Variants in EPS8 observed in about 807,000 individuals in gnomAD.
EPS8 encodes the protein epidermal growth factor receptor kinase substrate 8.
In EPS8, 42 loss-of-function variants were observed where a neutral mutation model predicts 103.8. The observed-to-expected ratio is 0.40, with a 90% CI of 0.32 to 0.52. EPS8 has a LOEUF of 0.52. Among genes scored for constraint, EPS8 ranks in the 20% least tolerant of loss-of-function variants. The pLI is 0.40. For missense variants in EPS8, 969 were observed against 1,005.1 expected (o/e 0.96, Z 0.49); for synonymous variants, 344 against 344.6 (o/e 1.00, Z 0.02).
At chr12:15,652,837 G>A (rs1197386981) in intron 13 of EPS8, among the ~76,000 whole-genome samples, 2 of 152,028 alleles carry the variant, frequency 1.3e-5, no homozygotes, top group African/African-American at 2.4e-5. Flanking sequence ...GGAGAAAAAT[G>A]GAGAAAAAAA....
intron 1 of EPS8, among the ~76,000 whole-genome samples, chr12:15,775,450 G>C (rs1565539540): frequency 2.0e-5 from 3 of 152,028 alleles, no homozygotes; most frequent in South Asian, 4.1e-4. Context: ...AATAGCCAAC[G>C]TTCCTTTGTG....
chr12:15,742,177 T>G (rs1006530942), intron 1 of EPS8, among the ~76,000 whole-genome samples: 9 of 152,234 alleles, frequency 5.9e-5, no homozygotes, highest in Non-Finnish European at 1.2e-4. Flanking sequence ...TAAACATATG[T>G]GTGCATGTGT....
At position 15,666,532 on chromosome 12, in the gene EPS8, G is replaced by A; in HGVS notation, c.517-10C>T. 6.2e-7 allele frequency: 1 copy of A among 1,603,588 alleles called. No homozygotes were observed. Among genetic ancestry groups the A allele is most frequent in the Non-Finnish European group, 8.5e-7 (1 of 1,170,680 alleles). On this transcript the variant is annotated splice_polypyrimidine_tract_variant and intron_variant, in intron 6 of 20. Coordinates refer to ENST00000281172, the MANE Select transcript of EPS8 (RefSeq NM_004447.6). ...CACTAATTAGGTTTGCCTGCAAAGA[G>A]ACACAAGTTACCTGAAAGTTTATGG...
At position 15,736,817 on chromosome 12, in the gene EPS8, G is replaced by A. The variant is rs142694701; in HGVS notation, c.-22+52344C>T. 2.6e-5 allele frequency among the ~76,000 whole-genome samples: 4 copies of A among 152,122 alleles called. No individual in the cohort carries two copies. Among genetic ancestry groups the A allele is most frequent in the African/African-American group, 9.6e-5 (4 of 41,518 alleles). On this transcript the variant is annotated intron_variant, in intron 1 of 20. Coordinates refer to ENST00000281172, the MANE Select transcript of EPS8 (RefSeq NM_004447.6). This position sits in a 1 kb window ranked among gnomAD's most constrained non-coding sequence, Gnocchi z 4.2. ...CCAAGCATATGTCAATACCCTCCAT[G>A]GAGACACTATATTACAGCCCCAATA...
intron 1 of EPS8, among the ~76,000 whole-genome samples, chr12:15,722,471 G>A (rs1946607606): frequency 6.6e-6 from 1 of 152,102 alleles, no homozygotes; most frequent in South Asian, 2.1e-4. Context: ...ATTCCAGAAT[G>A]TTGTCTTAAT....
chr12:15,662,034 T>G lies in EPS8; in HGVS notation c.802A>C (p.Arg268=), dbSNP rs757184310. ...TPEMMAARID[R]DVQILNHILD... is the part of the protein sequence containing the mutation. ...GCGACTCCTGTACTTACCACATCTC[T>G]GTCAATGCGGGCTGCCATCATCTCA... The change falls in exon 9 of 21, where the codon AGA becomes CGA. Residue 268 remains arginine (R), a synonymous_variant. Transcript: ENST00000281172. The G allele has an allele frequency of 1.2e-6, 2 of 1,612,794 alleles. No individual in the cohort carries two copies. Among genetic ancestry groups the G allele is most frequent in the Non-Finnish European group, 1.7e-6 (2 of 1,178,884 alleles).
intron 1 of EPS8, chr12:15,712,825 A>C: frequency 1.0e-6 from 1 of 978,704 alleles, no homozygotes; most frequent in Non-Finnish European, 1.2e-6. Context: ...TTAGCAAAGA[A>C]AATATTAACA....
intron 17 of EPS8, among the ~76,000 whole-genome samples, chr12:15,633,974 G>C (rs1945093263): frequency 6.6e-6 from 1 of 152,086 alleles, no homozygotes; most frequent in African/African-American, 2.4e-5. Context: ...CTTTCCTTAT[G>C]TCTGTCTTTT....
At chr12:15,715,768 C>T (rs375389305) in intron 1 of EPS8, among the ~76,000 whole-genome samples, 2 of 151,862 alleles carry the variant, frequency 1.3e-5, no homozygotes, top group African/African-American at 2.4e-5. Flanking sequence ...GGATTACAGG[C>T]GTGAGCCACC....
intron 18 of EPS8, among the ~76,000 whole-genome samples, chr12:15,630,976 GAGA>G (rs1331781132): frequency 3.3e-5 from 5 of 152,174 alleles, no homozygotes; most frequent in Non-Finnish European, 5.9e-5. Flanking sequence ...CAGAAGGATG[GAGA>G]AGAAGACAAA....
At position 15,778,512 on chromosome 12, in the gene EPS8, T is replaced by C. The variant is rs866171836; in HGVS notation, c.-22+10649A>G. Among the ~76,000 whole-genome samples the C allele has an allele frequency of 6.6e-6, 1 of 152,246 alleles. No individual in the cohort carries two copies. Among genetic ancestry groups the C allele is most frequent in the African/African-American group, 2.4e-5 (1 of 41,470 alleles). On this transcript the variant is annotated intron_variant, in intron 1 of 20. Coordinates refer to ENST00000281172, the MANE Select transcript of EPS8 (RefSeq NM_004447.6). This position sits in a 1 kb window ranked among gnomAD's most constrained non-coding sequence, Gnocchi z 4.5. The stretch of plus-strand genomic sequence containing the variant: ...AAAACAAAAACACTGTAGTTTATGG[T>C]ACACAGTACTTTTTTGAAAACAGAC...
rs1409661757 is a variant in EPS8 at position 15,736,542 on chromosome 12, T to C, written c.-22+52619A>G. On this transcript the variant is annotated intron_variant, in intron 1 of 20. Coordinates refer to ENST00000281172, the MANE Select transcript of EPS8 (RefSeq NM_004447.6). The surrounding 1 kb of genome is among the most constrained non-coding windows in gnomAD (Gnocchi z 4.2). ...ACTTCTGCATTTTACTCACAGAAGA[T>C]GCCCTCAAGCTTGGTTAAGATCTTA... Among the ~76,000 whole-genome samples, 3 of 152,318 alleles carry C rather than the reference T, an allele frequency of 2.0e-5. No individual in the cohort carries two copies. The highest frequency in any genetic ancestry group is 1.9e-4 in the East Asian group (1 of 5,184).
At chr12:15,664,784 G>T (rs902024139) in intron 8 of EPS8, among the ~76,000 whole-genome samples, 11 of 152,194 alleles carry the variant, frequency 7.2e-5, no homozygotes, top group African/African-American at 2.7e-4. Flanking sequence ...AGGCTCTAGA[G>T]TTCATCAGAT....
rs1565518573 is a variant in EPS8, at chr12:15,723,751, T to C, written c.-21-40779A>G. On this transcript the variant is annotated intron_variant, in intron 1 of 20. Transcript: ENST00000281172. The stretch of plus-strand genomic sequence containing the variant: ...TGGTAATCCTTACTGTATACCTCCA[T>C]AGATTATTCTAATTATACTTAATCC... Among the ~76,000 whole-genome samples the C allele has an allele frequency of 5.3e-5, 8 of 152,178 alleles. No individual in the cohort carries two copies. The South Asian group carries it at 1.7e-3, about 32-fold the overall frequency.
chr12:15,727,822 C>T lies in EPS8; in HGVS notation c.-21-44850G>A, dbSNP rs1335832919. 2.0e-5 allele frequency among the ~76,000 whole-genome samples: 3 copies of T among 152,152 alleles called. No individual in the cohort carries two copies. The highest frequency in any genetic ancestry group is 4.4e-5 in the Non-Finnish European group (3 of 68,024). ...GCAGTGAGCCAAGGTTGTGCCACTGCACTCCAGCCTGGGCGACAGAGCGAG... is the reference window on the plus strand; with the variant it reads ...GCAGTGAGCCAAGGTTGTGCCACTGTACTCCAGCCTGGGCGACAGAGCGAG... On this transcript the variant is annotated intron_variant, in intron 1 of 20. Coordinates refer to ENST00000281172, the MANE Select transcript of EPS8 (RefSeq NM_004447.6). The surrounding 1 kb of genome is among the most constrained non-coding windows in gnomAD (Gnocchi z 4.3).
At chr12:15,632,514 T>C (rs758799552) in intron 17 of EPS8, among the ~76,000 whole-genome samples, 4 of 152,172 alleles carry the variant, frequency 2.6e-5, no homozygotes, top group Non-Finnish European at 5.9e-5. Context: ...AAAAGGCACA[T>C]TTTCTTTTTA....
intron 1 of EPS8, among the ~76,000 whole-genome samples, chr12:15,768,674 G>A (rs1947123229): frequency 7.0e-6 from 1 of 142,058 alleles, no homozygotes; most frequent in East Asian, 2.2e-4. Context: ...CTCCAACATA[G>A]TAGTGATTCG....
At chr12:15,674,253 T>G (rs944429292) in intron 3 of EPS8, among the ~76,000 whole-genome samples, 1 of 152,152 alleles carries the variant, frequency 6.6e-6, no homozygotes, top group African/African-American at 2.4e-5. Context: ...TTTCTCTTTC[T>G]CTAAAAACAA....
In EPS8 at chr12:15,621,281, G is replaced by T; in HGVS notation, c.*36C>A. On this transcript the variant is annotated 3_prime_UTR_variant, in exon 21 of 21. Transcript: ENST00000281172. ...TTAAAACAAAGCATGTTGGAATAAT[G>T]CCAAAAACAATGGAGTTTAAATACA... The T allele has an allele frequency of 1.8e-6, 2 of 1,123,532 alleles. No individual in the cohort carries two copies. The highest frequency in any genetic ancestry group is 2.6e-6 in the Non-Finnish European group (2 of 775,508). 69.6% of individuals were successfully genotyped at this position (1,123,532 alleles called of 1,614,324 possible). A position where few individuals can be genotyped will look rare whatever the true frequency, so the allele number is the denominator to read the frequency against.
Sources: gnomAD v4.1 joint callset for allele counts (sites outside exome capture counted in the v4.1 genomes callset) on GRCh38, gnomAD v4.1.1 for gene constraint, Gnocchi (gnomAD v3.1) non-coding constraint, MANE v1.5 for transcripts, NCBI Gene and HGNC (gene_info 2026-07-23, HGNC 2026-07-21) for gene names.